The following SPPL3 variants were observed in gnomAD, a reference collection of about 807,000 sequenced individuals.
SPPL3 encodes the protein signal peptide peptidase like 3.
In SPPL3, 5 loss-of-function variants were observed where a neutral mutation model predicts 42.4. That is an observed-to-expected ratio of 0.12 (90% CI 0.06 to 0.25). The LOEUF (loss-of-function observed/expected upper bound fraction) is 0.25. SPPL3 is among the 10% of genes least tolerant of loss of function. The probability of loss-of-function intolerance (pLI) is 1.00; values close to 1 mark genes in which losing one functional copy is unlikely to be tolerated. For synonymous variants in SPPL3, 195 were observed against 181.8 expected, an observed-to-expected ratio of 1.07 and a Z score of -0.58; for missense variants, 235 against 489.0, an observed-to-expected ratio of 0.48 and a Z score of 4.90.
intron 6 of SPPL3, among the ~76,000 whole-genome samples, chr12:120,778,979 C>A (rs969190032): frequency 6.6e-6 from 1 of 151,578 alleles, no homozygotes; most frequent in Non-Finnish European, 1.5e-5. Context: ...CAAATGTCTT[C>A]TAAAAAAAAA....
rs1013712064 is a variant in SPPL3, at chr12:120,897,972, T to C, written c.23+5873A>G. 7.9e-5 allele frequency among the ~76,000 whole-genome samples: 12 copies of C among 152,100 alleles called. No homozygotes were observed. The East Asian group carries it at 2.1e-3, about 27-fold the overall frequency. On this transcript the variant is annotated intron_variant, in intron 1 of 10. Transcript: ENST00000353487. The stretch of plus-strand genomic sequence containing the variant: ...CATGTAATGACCATTATCACAACAA[T>C]ACATCACCTCAATATAATACAGCCC...
At chr12:120,799,735 A>T (rs1459802899) in intron 2 of SPPL3, among the ~76,000 whole-genome samples, 1 of 152,182 alleles carries the variant, frequency 6.6e-6, no homozygotes, top group African/African-American at 2.4e-5. Context: ...ACAAAACAGA[A>T]ATGGGGCACA....
chr12:120,764,948 G>A lies in SPPL3; in HGVS notation c.*51C>T. On this transcript the variant is annotated 3_prime_UTR_variant, in exon 11 of 11. Transcript: ENST00000353487. ...AGCTCTAAGAGGAAACAAACCATGA[G>A]TTGAGAGAAAAGGACTATGACGGCC... is the stretch of plus-strand genomic sequence containing the variant. The A allele has an allele frequency of 6.3e-7, 1 of 1,589,816 alleles. No homozygotes were observed. The highest frequency in any genetic ancestry group is 8.6e-7 in the Non-Finnish European group (1 of 1,162,562).
chr12:120,818,618 T>C (rs1455256983), intron 1 of SPPL3, among the ~76,000 whole-genome samples: 2 of 152,354 alleles, frequency 1.3e-5, no homozygotes, highest in East Asian at 3.9e-4. Context: ...GCCTTCCAGC[T>C]ATACAATGAA....
intron 1 of SPPL3, among the ~76,000 whole-genome samples, chr12:120,812,313 G>A (rs1025255075): frequency 1.3e-5 from 2 of 152,074 alleles, no homozygotes; most frequent in Non-Finnish European, 1.5e-5. Context: ...TGTATTTTTA[G>A]TAGAGATGGG....
At chr12:120,849,111 G>A (rs1872141822) in intron 1 of SPPL3, among the ~76,000 whole-genome samples, 1 of 152,024 alleles carries the variant, frequency 6.6e-6, no homozygotes, top group African/African-American at 2.4e-5. Flanking sequence ...AGGCTGCAGT[G>A]AGCTATAATC....
intron 6 of SPPL3, 130 bp from the exon 7 acceptor site, chr12:120,769,189 C>T: frequency 1.5e-6 from 1 of 658,464 alleles, no homozygotes; most frequent in Non-Finnish European, 2.6e-6. Context: ...GCTCCAGCTT[C>T]AGAAACTTAC....
At chr12:120,842,536 A>G (rs1407475221) in intron 1 of SPPL3, among the ~76,000 whole-genome samples, 1 of 152,184 alleles carries the variant, frequency 6.6e-6, no homozygotes, top group Non-Finnish European at 1.5e-5. Flanking sequence ...ATTGTAAACA[A>G]CAGAAATGTG....
chr12:120,783,282 A>G (rs2136978942), intron 5 of SPPL3, among the ~76,000 whole-genome samples: 1 of 152,318 alleles, frequency 6.6e-6, no homozygotes, highest in South Asian at 2.1e-4. Context: ...CACTAGGATT[A>G]AACGCAAGTA....
At chr12:120,786,219 G>A (rs1869716647) in intron 3 of SPPL3, among the ~76,000 whole-genome samples, 1 of 152,210 alleles carries the variant, frequency 6.6e-6, no homozygotes, top group Non-Finnish European at 1.5e-5. Flanking sequence ...GAAGCAGTCT[G>A]TCCTGACCCT....
intron 1 of SPPL3, among the ~76,000 whole-genome samples, chr12:120,890,862 A>G (rs900568401): frequency 6.6e-6 from 1 of 152,226 alleles, no homozygotes; most frequent in African/African-American, 2.4e-5. Context: ...TCTCCGAGGT[A>G]TCTAGCTGTG....
In SPPL3 at chr12:120,782,513, G is replaced by A. The variant is rs1290287951; in HGVS notation, c.502+142C>T. The stretch of plus-strand genomic sequence containing the variant: ...GGGGAGGTGGGTAAGGGGAATGACC[G>A]CTCATTTGTTTTGGCGGGGGTGGGT... On this transcript the variant is annotated intron_variant, in intron 6 of 10. Transcript: ENST00000353487. 8.7e-6 allele frequency: 5 copies of A among 575,488 alleles called. No homozygotes were observed. The East Asian group carries it at 9.6e-5, about 11-fold the overall frequency. 35.6% of individuals were successfully genotyped at this position (575,488 alleles called of 1,614,324 possible). A position where few individuals can be genotyped will look rare whatever the true frequency, so the allele number is the denominator to read the frequency against.
chr12:120,762,553 GAC>G lies in SPPL3; in HGVS notation c.*2444_*2445del, dbSNP rs1488932783. Reference sequence around the variant, plus strand: ...AATTTAATTTTCTTATGAAAACAAAGACAGAAAAATTAAAATGACCCACTGCC... The same window carrying G: ...AATTTAATTTTCTTATGAAAACAAAGAGAAAAATTAAAATGACCCACTGCC... On this transcript the variant is annotated 3_prime_UTR_variant, in exon 11 of 11. Transcript: ENST00000353487. 1 of 150,668 alleles carries G rather than the reference GAC, an allele frequency of 6.6e-6. No homozygotes were observed. Among genetic ancestry groups the G allele is most frequent in the African/African-American group, 2.4e-5 (1 of 40,954 alleles). 9.3% of individuals were successfully genotyped at this position (150,668 alleles called of 1,614,324 possible).
chr12:120,888,776 T>C (rs1873542488), intron 1 of SPPL3, among the ~76,000 whole-genome samples: 1 of 152,190 alleles, frequency 6.6e-6, no homozygotes, highest in African/African-American at 2.4e-5. Flanking sequence ...TTGTACACTT[T>C]AAATGACTGA....
At chr12:120,856,822 G>A (rs1457997267) in intron 1 of SPPL3, among the ~76,000 whole-genome samples, 1 of 152,090 alleles carries the variant, frequency 6.6e-6, no homozygotes, top group East Asian at 1.9e-4. Flanking sequence ...AAGCAACAGG[G>A]TATTTGATGA....
At chr12:120,871,052 C>A (rs1842581418) in intron 1 of SPPL3, among the ~76,000 whole-genome samples, 1 of 139,226 alleles carries the variant, frequency 7.2e-6, no homozygotes, top group African/African-American at 2.6e-5. Context: ...ATCGCTTGAA[C>A]CCAGGAGGCA....
At chr12:120,806,540 T>C (rs757529380) in intron 2 of SPPL3, among the ~76,000 whole-genome samples, 5 of 152,056 alleles carry the variant, frequency 3.3e-5, no homozygotes, top group Admixed American at 3.3e-4. Flanking sequence ...AGCAAAACTA[T>C]AAAACTTCTT....
At chr12:120,805,803 T>C (rs964812195) in intron 2 of SPPL3, among the ~76,000 whole-genome samples, 3 of 152,154 alleles carry the variant, frequency 2.0e-5, no homozygotes, top group Non-Finnish European at 2.9e-5. Context: ...TTTAACAAAA[T>C]AGTGCAAGCC....
intron 1 of SPPL3, among the ~76,000 whole-genome samples, chr12:120,886,156 A>T (rs1168955): frequency 0.96 from 144,288 of 150,976 alleles, 69,252 homozygotes; most frequent in East Asian, 1. Context: ...AAAAAAAAAA[A>T]TTTTTTTTTC....
Sources: gnomAD v4.1 joint callset for allele counts (sites outside exome capture counted in the v4.1 genomes callset) on GRCh38, gnomAD v4.1.1 for gene constraint, MANE v1.5 for transcripts, NCBI Gene and HGNC (gene_info 2026-07-23, HGNC 2026-07-21) for gene names.